The following IZUMO1R variants were observed in gnomAD, a reference collection of about 807,000 sequenced individuals.
IZUMO1R encodes the protein IZUMO1 receptor, JUNO.
In IZUMO1R, 24 loss-of-function variants were observed where a neutral mutation model predicts 22.1. The observed-to-expected ratio is 1.09, with a 90% confidence interval of 0.79 to 1.53. The LOEUF (loss-of-function observed/expected upper bound fraction) is 1.53. Ranked by LOEUF, IZUMO1R falls within the 40% of genes most tolerant of loss-of-function variation. The probability of loss-of-function intolerance (pLI) is 0.00; values close to 1 mark genes in which losing one functional copy is unlikely to be tolerated. For missense variants in IZUMO1R, 308 were observed against 314.9 expected, an observed-to-expected ratio of 0.98 and a Z score of 0.17; for synonymous variants, 133 against 121.2, an observed-to-expected ratio of 1.10 and a Z score of -0.64.
In IZUMO1R at chr11:94,305,672, G is replaced by A. The variant is rs775139282; in HGVS notation, c.36G>A (p.Trp12Ter). Residue 12 changes from tryptophan to a stop codon, truncating the protein, a stop_gained, in exon 2 of 5, where the codon TGG becomes TGA. Transcript: ENST00000687084. LOFTEE classifies it high-confidence loss of function. ...ACWWPLLLEL[W>*]TVMPTWAGDE... ...GGTGGCCGCTCCTGCTAGAGCTGTG[G>A]ACAGTCATGCCCACCTGGGCTGGGG... The A allele has an allele frequency of 8.1e-6, 13 of 1,613,200 alleles. No homozygotes were observed. Among genetic ancestry groups the A allele is most frequent in the Non-Finnish European group, 1.1e-5 (13 of 1,179,768 alleles).
rs778163552 is a variant in IZUMO1R, at chr11:94,307,242, C to T, written c.426C>T (p.Asp142=). 22 of 1,609,120 alleles carry T rather than the reference C, an allele frequency of 1.4e-5. No homozygotes were observed. The highest frequency in any genetic ancestry group is 1.7e-5 in the Non-Finnish European group (20 of 1,177,950). ...AGGACTGTGAGGAGTGGTGGGAAGA[C>T]TGTCGCATGTCTTACACATGCAAAT... ...CQEDCEEWWE[D]CRMSYTCKSN... is the part of the protein sequence containing the mutation. Residue 142 remains aspartate, a synonymous_variant, in exon 4 of 5, where the codon GAC becomes GAT. Transcript: ENST00000687084.
Position 94,307,809 on chromosome 11 carries a change from T to C in IZUMO1R, c.*117T>C, listed in dbSNP as rs1270513349. The C allele has an allele frequency of 3.2e-6, 2 of 622,410 alleles. No individual in the cohort carries two copies. The highest frequency in any genetic ancestry group is 1.2e-4 in the African/African-American group (2 of 16,386). 38.6% of individuals were successfully genotyped at this position (622,410 alleles called of 1,614,324 possible). On this transcript the variant is annotated 3_prime_UTR_variant, in exon 5 of 5. Transcript: ENST00000687084. ...AAAAGCAGTGGCATGGGCTAGGGAC[T>C]GCAGTCCCACCCAGTCTAGCCCATG...
intron 1 of IZUMO1R, 55 bp from the exon 2 acceptor site, chr11:94,305,576 G>A (rs1252483142): frequency 1.4e-5 from 23 of 1,595,492 alleles, no homozygotes; most frequent in Non-Finnish European, 1.9e-5. Flanking sequence ...CTATGATGAA[G>A]GGGGTGGAGT....
Position 94,307,585 on chromosome 11 carries a change from G to A in IZUMO1R, c.646G>A (p.Gly216Ser), listed in dbSNP as rs1288486824. The A allele has an allele frequency of 1.2e-6, 2 of 1,613,768 alleles. No homozygotes were observed. Among genetic ancestry groups the A allele is most frequent in the Non-Finnish European group, 1.7e-6 (2 of 1,179,880 alleles). The change falls in exon 5 of 5, where the codon GGC becomes AGC. Residue 216 changes from glycine (G) to serine (S), a missense_variant. Transcript: ENST00000687084. ...CLQKWFEPAQ[G>S]NPNVAVARLF... ...CCAGAAGTGGTTTGAGCCTGCTCAG[G>A]GCAACCCCAATGTGGCCGTGGCCCG...
chr11:94,307,357 G>A (rs1379537358), intron 4 of IZUMO1R, 57 bp downstream of exon 4: 71 of 1,611,912 alleles, frequency 4.4e-5, no homozygotes, highest in Non-Finnish European at 5.9e-5. Context: ...GTCCCCACAA[G>A]GGTGCAGGTG....
chr11:94,307,618 G>T lies in IZUMO1R; in HGVS notation c.679G>T (p.Ala227Ser), dbSNP rs371721470. The T allele has an allele frequency of 5.0e-6, 8 of 1,613,806 alleles. No individual in the cohort carries two copies. The highest frequency in any genetic ancestry group is 1.3e-5 in the African/African-American group (1 of 75,014). Reference protein sequence around the residue: ...NPNVAVARLFASSAPSWELSY... With the variant: ...NPNVAVARLFSSSAPSWELSY... ...CAATGTGGCCGTGGCCCGCCTCTTC[G>T]CCAGCTCTGCCCCATCCTGGGAACT... Residue 227 changes from alanine to serine, a missense_variant, in exon 5 of 5, where the codon GCC becomes TCC. Ala to Ser is a moderately conservative substitution (Grantham distance 99). Coordinates refer to ENST00000687084, the MANE Select transcript of IZUMO1R (RefSeq NM_001199206.4).
rs1943997064 is a variant in IZUMO1R, at chr11:94,304,678, C to A, written c.-208C>A. Among the ~76,000 whole-genome samples, 1 of 152,128 alleles carries A rather than the reference C, an allele frequency of 6.6e-6. No homozygotes were observed. The highest frequency in any genetic ancestry group is 1.5e-5 in the Non-Finnish European group (1 of 68,018). On this transcript the variant is annotated 5_prime_UTR_variant, in exon 1 of 5. Transcript: ENST00000687084. The stretch of plus-strand genomic sequence containing the variant: ...GATGGGGTCTGTTTCTCTGAGGAAG[C>A]AAACTTCCTCGGAACCCACAGGCCT...
chr11:94,304,689 G>A lies in IZUMO1R; in HGVS notation c.-197G>A, dbSNP rs555324688. On this transcript the variant is annotated 5_prime_UTR_variant, in exon 1 of 5. Coordinates refer to ENST00000687084, the MANE Select transcript of IZUMO1R (RefSeq NM_001199206.4). ...TTTCTCTGAGGAAGCAAACTTCCTC[G>A]GAACCCACAGGCCTGCAGAGCTGGG... Among the ~76,000 whole-genome samples, 116 of 152,198 alleles carry A rather than the reference G, an allele frequency of 7.6e-4. No individual in the cohort carries two copies. Among genetic ancestry groups the A allele is most frequent in the African/African-American group, 2.6e-3 (107 of 41,540 alleles).
At chr11:94,304,970 G>C (rs1295047799) in intron 1 of IZUMO1R, among the ~76,000 whole-genome samples, 91 bp downstream of exon 1, 1 of 152,156 alleles carries the variant, frequency 6.6e-6, no homozygotes, top group African/African-American at 2.4e-5. Context: ...GGCCATGGCT[G>C]AGCTTGAAAC....
chr11:94,307,197 G>T lies in IZUMO1R; in HGVS notation c.381G>T (p.Val127=). 3 of 1,602,672 alleles carry T rather than the reference G, an allele frequency of 1.9e-6. No homozygotes were observed. Among genetic ancestry groups the T allele is most frequent in the Admixed American group, 1.7e-5 (1 of 57,920 alleles). The part of the protein sequence containing the change: ...VAPSGQGERV[V]NVPLCQEDCE... ...CGAGTGGGCAGGGAGAGCGAGTTGTGAATGTGCCGCTGTGCCAGGAGGACT... is the reference window on the plus strand; with the variant it reads ...CGAGTGGGCAGGGAGAGCGAGTTGTTAATGTGCCGCTGTGCCAGGAGGACT... The change falls in exon 4 of 5, where the codon GTG becomes GTT. Residue 127 remains valine (V), a synonymous_variant. Transcript: ENST00000687084.
intron 1 of IZUMO1R, 169 bp from the exon 2 acceptor site, chr11:94,305,462 C>A: frequency 1.3e-6 from 1 of 747,840 alleles, no homozygotes; most frequent in East Asian, 2.7e-5. Flanking sequence ...TTCTACCTGC[C>A]CTGACATTCT....
intron 3 of IZUMO1R, 29 bp from the exon 4 acceptor site, chr11:94,307,136 T>G: frequency 3.2e-6 from 5 of 1,573,994 alleles, no homozygotes; most frequent in Non-Finnish European, 3.5e-6. Flanking sequence ...GCTATTAATG[T>G]TCTAATCTCT....
rs766705219 is a variant in IZUMO1R at position 94,305,699 on chromosome 11, C to T, written c.63C>T (p.Asp21=). The change falls in exon 2 of 5, where the codon GAC becomes GAT. Residue 21 remains aspartate (D), a synonymous_variant. Coordinates refer to ENST00000687084, the MANE Select transcript of IZUMO1R (RefSeq NM_001199206.4). The part of the protein sequence containing the change: ...LWTVMPTWAG[D]ELLNICMNAK... Reference sequence around the variant, plus strand: ...CAGTCATGCCCACCTGGGCTGGGGACGAGCTGCTCAACATCTGCATGAATG... The same window carrying T: ...CAGTCATGCCCACCTGGGCTGGGGATGAGCTGCTCAACATCTGCATGAATG... 47 of 1,613,210 alleles carry T rather than the reference C, an allele frequency of 2.9e-5. No individual in the cohort carries two copies. In the Middle Eastern group the frequency reaches 5.0e-4, roughly 17 times the overall value.
Position 94,308,057 on chromosome 11 carries a change from C to T in IZUMO1R, c.*365C>T, listed in dbSNP as rs997258603. Among the ~76,000 whole-genome samples the T allele has an allele frequency of 6.6e-6, 1 of 151,940 alleles. No homozygotes were observed. The highest frequency in any genetic ancestry group is 2.4e-5 in the African/African-American group (1 of 41,422). On this transcript the variant is annotated 3_prime_UTR_variant, in exon 5 of 5. Transcript: ENST00000687084. ...CTCAAGGACTTTCCCATCCAGTGCA[C>T]GCCTACCCCTTTCTGTGACAGAGCT...
chr11:94,307,182 G>A lies in IZUMO1R; in HGVS notation c.366G>A (p.Gln122=). The A allele has an allele frequency of 6.3e-7, 1 of 1,599,178 alleles. No individual in the cohort carries two copies. The highest frequency in any genetic ancestry group is 8.5e-7 in the Non-Finnish European group (1 of 1,172,880). ...GCACCCAGGTGGCCCCGAGTGGGCA[G>A]GGAGAGCGAGTTGTGAATGTGCCGC... The part of the protein sequence containing the change: ...SLGWEVAPSG[Q]GERVVNVPLC... Residue 122 remains glutamine (Q), a synonymous_variant, in exon 4 of 5, where the codon CAG becomes CAA. Transcript: ENST00000687084.
chr11:94,306,482 C>T, intron 2 of IZUMO1R, 31 bp from the exon 3 acceptor site: 1 of 1,603,630 alleles, frequency 6.2e-7, no homozygotes, highest in Non-Finnish European at 8.5e-7. Flanking sequence ...CCCCTTTTGC[C>T]TGGGCCTTTT....
rs1481222627 is a variant in IZUMO1R at position 94,307,492 on chromosome 11, C to G, written c.553C>G (p.Leu185Val). Residue 185 changes from leucine (L) to valine (V), a missense_variant, in exon 5 of 5, where the codon CTG becomes GTG. Transcript: ENST00000687084. ...FSHYFPTPADLCEKTWSNSFK... is the reference protein window; with the variant it reads ...FSHYFPTPADVCEKTWSNSFK... ...CCATTACTTCCCCACCCCAGCTGAC[C>G]TGTGTGAGAAGACTTGGAGCAATTC... The G allele has an allele frequency of 6.2e-7, 1 of 1,613,766 alleles. No individual in the cohort carries two copies. The highest frequency in any genetic ancestry group is 8.5e-7 in the Non-Finnish European group (1 of 1,179,898).
intron 1 of IZUMO1R, 162 bp from the exon 2 acceptor site, chr11:94,305,469 T>G: frequency 1.3e-6 from 1 of 793,688 alleles, no homozygotes. Context: ...TGCCCTGACA[T>G]TCTGTGATGC....
Position 94,307,119 on chromosome 11 carries a change from C to A in IZUMO1R, c.349-46C>A, listed in dbSNP as rs181196017. ...CCACTGTAGCTATTAGTAGTCTTCA[C>A]ATCTCTGCTATTAATGTTCTAATCT... On this transcript the variant is annotated intron_variant, in intron 3 of 4. Transcript: ENST00000687084. 54 of 1,559,494 alleles carry A rather than the reference C, an allele frequency of 3.5e-5. 1 individual carries two copies. The Admixed American group carries it at 1.0e-3, about 29-fold the overall frequency.
Sources: allele counts gnomAD v4.1 joint callset (sites outside exome capture counted in the v4.1 genomes callset), GRCh38; gene constraint gnomAD v4.1.1; transcripts MANE v1.5; gene names NCBI Gene and HGNC (gene_info 2026-07-23, HGNC 2026-07-21).